The following CFAP69 variants were observed in gnomAD, a reference collection of about 807,000 sequenced individuals.
CFAP69 encodes the protein cilia and flagella associated protein 69, also known as cilia- and flagella-associated protein 69.
Under a neutral mutation model 123.0 loss-of-function variants are expected in CFAP69, and 92 were observed. The ratio of observed to expected loss-of-function variants is 0.75; its 90% confidence interval spans 0.63 to 0.89. CFAP69 has a LOEUF of 0.89. Ranked by LOEUF, CFAP69 falls within the 40% of genes least tolerant of loss-of-function variation. The pLI is 0.00. For synonymous variants in CFAP69, 380 were observed against 364.3 expected, an observed-to-expected ratio of 1.04 and a Z score of -0.49; for missense variants, 1,067 against 1,096.9, an observed-to-expected ratio of 0.97 and a Z score of 0.39.
chr7:90,277,723 A>G (rs915257828), intron 11 of CFAP69, among the ~76,000 whole-genome samples: 1 of 152,020 alleles, frequency 6.6e-6, no homozygotes, highest in Non-Finnish European at 1.5e-5. Flanking sequence ...CCAATCTCAA[A>G]CTCTTATGAA....
intron 1 of CFAP69, among the ~76,000 whole-genome samples, chr7:90,249,354 G>A (rs1471213180): frequency 6.6e-6 from 1 of 152,166 alleles, no homozygotes; most frequent in Non-Finnish European, 1.5e-5. Flanking sequence ...GTGGAACTGT[G>A]AGTCAATTAA....
rs534379467 is a variant in CFAP69, at chr7:90,301,618, A to C, written c.2050+1559A>C. 6.6e-4 allele frequency: 100 copies of C among 152,278 alleles called. 2 individuals carry two copies. The highest frequency in any genetic ancestry group is 2.4e-3 in the African/African-American group (100 of 41,548). 9.4% of individuals were successfully genotyped at this position (152,278 alleles called of 1,614,324 possible). A position where few individuals can be genotyped will look rare whatever the true frequency, so the allele number is the denominator to read the frequency against. ...TTCCTGTGTTAGTTTGCTAAGGATA[A>C]TGGCCTCCACCTCCATCCATGTTCC... is the stretch of plus-strand genomic sequence containing the variant. On this transcript the variant is annotated intron_variant, in intron 17 of 22. Coordinates refer to ENST00000389297, the MANE Select transcript of CFAP69 (RefSeq NM_001039706.3).
Position 90,268,354 on chromosome 7 carries a change from C to A in CFAP69, c.502C>A (p.His168Asn). The change falls in exon 6 of 23, where the codon CAT becomes AAT. Residue 168 changes from histidine (H) to asparagine (N), a missense_variant. Transcript: ENST00000389297. ...QICKCIVDFY[H>N]AEPPKKHIPG... is the part of the protein sequence containing the mutation. ...TTGTAAGTGTATTGTTGATTTTTAT[C>A]ATGCAGAACCACCAAAGAAGCATAT... 6.2e-7 allele frequency: 1 copy of A among 1,610,096 alleles called. No individual in the cohort carries two copies. The highest frequency in any genetic ancestry group is 8.5e-7 in the Non-Finnish European group (1 of 1,178,360).
chr7:90,265,027 C>T (rs921875590), intron 4 of CFAP69, among the ~76,000 whole-genome samples: 1 of 152,080 alleles, frequency 6.6e-6, no homozygotes, highest in African/African-American at 2.4e-5. Flanking sequence ...CTCTTGACCT[C>T]GTGATCCACC....
intron 19 of CFAP69, 70 bp downstream of exon 19, chr7:90,304,890 C>G: frequency 9.3e-7 from 1 of 1,069,922 alleles, no homozygotes; most frequent in Non-Finnish European, 1.4e-6. Flanking sequence ...AATAAAATAT[C>G]TATTCATGGT....
At position 90,245,421 on chromosome 7, in the gene CFAP69, G is replaced by T. The variant is rs375471700; in HGVS notation, c.-4G>T. On this transcript the variant is annotated 5_prime_UTR_variant, in exon 1 of 23. Coordinates refer to ENST00000389297, the MANE Select transcript of CFAP69 (RefSeq NM_001039706.3). ...CCCCACTCTCCACCCCGCCGCCACC[G>T]GCCATGTGGACAGAGGAAGCCGGGG... 88 of 1,544,440 alleles carry T rather than the reference G, an allele frequency of 5.7e-5. No individual in the cohort carries two copies. The highest frequency in any genetic ancestry group is 7.1e-5 in the Non-Finnish European group (81 of 1,147,056).
At chr7:90,300,814 C>G (rs1382473913) in intron 17 of CFAP69, 1 of 152,102 alleles carries the variant, frequency 6.6e-6, no homozygotes, top group East Asian at 1.9e-4. Flanking sequence ...CCACACCCAG[C>G]TAATTTTTGT....
chr7:90,321,816 A>G, the CFAP69 span, among the ~76,000 whole-genome samples: 5 of 152,182 alleles, frequency 3.3e-5, no homozygotes, highest in African/African-American at 1.2e-4. Context: ...CCCTTCATGG[A>G]TGAAGACCCG....
At chr7:90,283,688 T>C (rs1789826982) in intron 13 of CFAP69, among the ~76,000 whole-genome samples, 1 of 152,184 alleles carries the variant, frequency 6.6e-6, no homozygotes, top group African/African-American at 2.4e-5. Context: ...CCTTTTGTTA[T>C]TTAAAAAATA....
the CFAP69 span, chr7:90,318,128 A>G: frequency 6.6e-6 from 1 of 152,198 alleles, no homozygotes; most frequent in South Asian, 2.1e-4. Context: ...TTCAAAAAGT[A>G]TTAATCTAAA....
At chr7:90,294,826 A>C (rs951405641) in intron 15 of CFAP69, among the ~76,000 whole-genome samples, 3 of 152,146 alleles carry the variant, frequency 2.0e-5, no homozygotes, top group Non-Finnish European at 4.4e-5. Flanking sequence ...TTCTCCCATT[A>C]ATCAAAACTT....
intron 16 of CFAP69, among the ~76,000 whole-genome samples, chr7:90,298,353 C>T (rs759460419): frequency 1.4e-4 from 21 of 152,262 alleles, no homozygotes; most frequent in Non-Finnish European, 2.2e-4. Context: ...GAGACAGTGC[C>T]ATCTAGCAGC....
chr7:90,279,773 GAATT>G lies in CFAP69; in HGVS notation c.1254_1257del (p.Glu418AspfsTer16). On this transcript the variant is annotated frameshift_variant, in exon 12 of 23. Transcript: ENST00000389297. LOFTEE classifies it high-confidence loss of function. Reference sequence around the variant, plus strand: ...TGACTGGTCTGCAGCACAGCATGAAGAATTACAACTGCATGCAATTGCCACTTTG... The same window carrying G: ...TGACTGGTCTGCAGCACAGCATGAAGACAACTGCATGCAATTGCCACTTTG... 6.2e-7 allele frequency: 1 copy of G among 1,613,366 alleles called. No individual in the cohort carries two copies. The highest frequency in any genetic ancestry group is 8.5e-7 in the Non-Finnish European group (1 of 1,179,832).
rs1322928179 is a variant in CFAP69, at chr7:90,274,012, C to T, written c.886C>T (p.Leu296=). 1.3e-6 allele frequency: 2 copies of T among 1,598,064 alleles called. No homozygotes were observed. The highest frequency in any genetic ancestry group is 1.7e-6 in the Non-Finnish European group (2 of 1,173,596). ...LLALKEVFKN[L]FMRGFSHYDR... ...GGCTTTGAAGGAAGTATTTAAAAAT[C>T]TGTTTATGAGAGGTTTCAGTCATTA... The change falls in exon 9 of 23, where the codon CTG becomes TTG. Residue 296 remains leucine (L), a synonymous_variant. Transcript: ENST00000389297.
At position 90,271,944 on chromosome 7, in the gene CFAP69, C is replaced by G. The variant is rs1241253034; in HGVS notation, c.846C>G (p.Asn282Lys). 1 of 1,611,144 alleles carries G rather than the reference C, an allele frequency of 6.2e-7. No homozygotes were observed. Among genetic ancestry groups the G allele is most frequent in the East Asian group, 2.2e-5 (1 of 44,824 alleles). ...SKEEVIQQLS[N>K]LECLLALKEV... The stretch of plus-strand genomic sequence containing the variant: ...AAGAAGTCATACAACAGCTTAGTAA[C>G]TTGGAATGTTTGCTGTAAGCGTATG... The change falls in exon 8 of 23, where the codon AAC becomes AAG. Residue 282 changes from asparagine to lysine, a missense_variant. By Grantham distance (94) the Asn-to-Lys change is moderately conservative. Transcript: ENST00000389297.
intron 12 of CFAP69, among the ~76,000 whole-genome samples, chr7:90,280,476 G>A (rs947718172): frequency 3.3e-5 from 5 of 152,206 alleles, no homozygotes; most frequent in Admixed American, 2.0e-4. Context: ...GATTACAGGC[G>A]TGAGCCTGAA....
In CFAP69 at chr7:90,307,792, G is replaced by A. The variant is rs572240323; in HGVS notation, c.2488G>A (p.Glu830Lys). 1.9e-6 allele frequency: 3 copies of A among 1,611,008 alleles called. No homozygotes were observed. Among genetic ancestry groups the A allele is most frequent in the South Asian group, 2.2e-5 (2 of 90,742 alleles). ...GATACAGGCCACGCACAAGCAAAGA[G>A]AGCTGGCTAATAAATCATGGGAAGA... is the stretch of plus-strand genomic sequence containing the variant. The part of the protein sequence containing the change: ...AKIQATHKQR[E>K]LANKSWEDFL... Residue 830 changes from glutamate to lysine, a missense_variant, in exon 21 of 23, where the codon GAG becomes AAG. Physicochemically the swap from Glu to Lys is moderately conservative, Grantham distance 56. Transcript: ENST00000389297.
At chr7:90,291,315 G>C (rs1467263365) in intron 15 of CFAP69, among the ~76,000 whole-genome samples, 2 of 152,110 alleles carry the variant, frequency 1.3e-5, no homozygotes, top group Non-Finnish European at 2.9e-5. Flanking sequence ...ATGTTGCCAT[G>C]GCATTTGTAA....
At chr7:90,268,230 C>A (rs938525295) in intron 5 of CFAP69, 56 bp from the exon 6 acceptor site, 18 of 1,108,196 alleles carry the variant, frequency 1.6e-5, no homozygotes, top group Non-Finnish European at 5.3e-6. Context: ...TGCCTAAATT[C>A]TACAAATAAG....
Sources: gnomAD v4.1 joint callset for allele counts (sites outside exome capture counted in the v4.1 genomes callset) on GRCh38, gnomAD v4.1.1 for gene constraint, MANE v1.5 for transcripts, NCBI Gene and HGNC (gene_info 2026-07-23, HGNC 2026-07-21) for gene names.